The following TOX2 variants were observed in gnomAD, a reference collection of about 807,000 sequenced individuals.
TOX2 encodes the protein TOX high mobility group box family member 2.
Under a neutral mutation model 47.4 loss-of-function variants are expected in TOX2, and 15 were observed. The ratio of observed to expected loss-of-function variants is 0.32; its 90% CI spans 0.21 to 0.49. The LOEUF is 0.49. Among genes scored for constraint, TOX2 ranks in the 20% least tolerant of loss-of-function variants. The pLI is 0.99. For missense variants in TOX2, 622 were observed against 673.1 expected (o/e 0.92, Z 0.84); for synonymous variants, 290 against 296.6 (o/e 0.98, Z 0.23).
chr20:43,957,551 A>G (rs2069688270), intron 1 of TOX2, among the ~76,000 whole-genome samples: 1 of 151,094 alleles, frequency 6.6e-6, no homozygotes, highest in Non-Finnish European at 1.5e-5. Context: ...GTTACCTGGC[A>G]TAAAGTAAAT....
At chr20:44,022,057 C>T (rs1479663708) in intron 3 of TOX2, among the ~76,000 whole-genome samples, 1 of 152,190 alleles carries the variant, frequency 6.6e-6, no homozygotes, top group African/African-American at 2.4e-5. Flanking sequence ...AGGCCCGTCA[C>T]CCACACATGC....
At chr20:44,062,219 A>G (rs2071729679) in intron 5 of TOX2, among the ~76,000 whole-genome samples, 2 of 152,074 alleles carry the variant, frequency 1.3e-5, no homozygotes, top group Admixed American at 1.3e-4. Flanking sequence ...AAAACCCTAA[A>G]GACTCATCCA....
At chr20:44,003,427 G>A (rs990036080) in intron 2 of TOX2, among the ~76,000 whole-genome samples, 16 of 152,012 alleles carry the variant, frequency 1.1e-4, no homozygotes, top group Non-Finnish European at 1.6e-4. Flanking sequence ...GGGCTCAAGC[G>A]ATCCTCCCGT....
chr20:43,925,695 C>T (rs1429539101), intron 1 of TOX2, among the ~76,000 whole-genome samples: 4 of 152,180 alleles, frequency 2.6e-5, no homozygotes, highest in African/African-American at 4.8e-5. Flanking sequence ...TCACAGGCTT[C>T]GCTGTCAGTC....
intron 3 of TOX2, among the ~76,000 whole-genome samples, chr20:44,008,022 A>G (rs2070716959): frequency 6.6e-6 from 1 of 152,164 alleles, no homozygotes; most frequent in South Asian, 2.1e-4. Context: ...TTCATGGGAT[A>G]GGTAAAAATG....
At chr20:43,952,781 G>T (rs1192699358) in intron 1 of TOX2, among the ~76,000 whole-genome samples, 2 of 152,222 alleles carry the variant, frequency 1.3e-5, no homozygotes, top group Non-Finnish European at 2.9e-5. Flanking sequence ...CATATAGGCA[G>T]ACTGAGACAC....
At chr20:44,053,439 T>TATACACACACACAC (rs373458500) in intron 4 of TOX2, among the ~76,000 whole-genome samples, 7 of 143,108 alleles carry the variant, frequency 4.9e-5, no homozygotes, top group Non-Finnish European at 7.6e-5. Context: ...GGCAGATATA[T>TATACACACACACAC]ACACACACAC....
chr20:44,001,781 CG>C (rs1569082821), intron 2 of TOX2, among the ~76,000 whole-genome samples: 1 of 152,028 alleles, frequency 6.6e-6, no homozygotes, highest in Non-Finnish European at 1.5e-5. Context: ...GGCTGAGGGG[CG>C]TGTAGTATGC....
Position 43,969,487 on chromosome 20 carries a change from G to T in TOX2, c.100-3880G>T, listed in dbSNP as rs144148374. 4.0e-4 allele frequency among the ~76,000 whole-genome samples: 61 copies of T among 152,280 alleles called. No individual in the cohort carries two copies. The East Asian group carries it at 0.012, about 29-fold the overall frequency. On this transcript the variant is annotated intron_variant, in intron 1 of 8. Transcript: ENST00000341197. ...TTCCAAGTTCATTTAGCCAGAAAAG[G>T]TCCCAAATGAGGAGGGGGCTGCAGG... is the stretch of plus-strand genomic sequence containing the variant.
intron 3 of TOX2, among the ~76,000 whole-genome samples, chr20:44,047,852 TA>T (rs1198225728): frequency 3.5e-5 from 5 of 141,994 alleles, no homozygotes; most frequent in Non-Finnish European, 7.8e-5. Flanking sequence ...AAAAAAAAAT[TA>T]AAAAAAAAAA....
chr20:44,065,868 C>A lies in TOX2; in HGVS notation c.1117C>A (p.Leu373Ile), dbSNP rs867920288. The change falls in exon 7 of 9, where the codon CTC (leucine) becomes ATC (isoleucine). Residue 373 changes from leucine to isoleucine, a missense_variant. Around this residue, in one of 3 missense-constraint regions of TOX2, gnomAD observed 294 missense variants for 300.0 expected, o/e 0.98. Coordinates refer to ENST00000341197, the MANE Select transcript of TOX2 (RefSeq NM_001098797.2). ...AFRSGASPAS[L>I]ARTLGSKSLL... ...CCGCAGTGGGGCCTCCCCTGCCAGC[C>A]TCGCCCGGACGCTGGGCTCCAAGTC... 6.2e-7 allele frequency: 1 copy of A among 1,613,408 alleles called. No homozygotes were observed. Among genetic ancestry groups the A allele is most frequent in the Non-Finnish European group, 8.5e-7 (1 of 1,179,534 alleles).
chr20:43,930,980 T>C (rs1236743416), intron 1 of TOX2, among the ~76,000 whole-genome samples: 1 of 152,128 alleles, frequency 6.6e-6, no homozygotes, highest in East Asian at 1.9e-4. Flanking sequence ...TGTCCTTCTC[T>C]CCTCCCTCCT....
At chr20:44,058,032 A>G (rs533700613) in intron 5 of TOX2, among the ~76,000 whole-genome samples, 1 of 147,060 alleles carries the variant, frequency 6.8e-6, no homozygotes, top group South Asian at 2.1e-4. Flanking sequence ...TCCCACTCGG[A>G]CAGACAGAGC....
At chr20:43,948,248 G>A (rs1469165779) in intron 1 of TOX2, among the ~76,000 whole-genome samples, 1 of 152,178 alleles carries the variant, frequency 6.6e-6, no homozygotes. Flanking sequence ...ATGAAGGTGT[G>A]CAGAAGTGGG....
Position 43,973,361 on chromosome 20 carries a change from T to G in TOX2, c.100-6T>G. 6.2e-7 allele frequency: 1 copy of G among 1,614,058 alleles called. No homozygotes were observed. Among genetic ancestry groups the G allele is most frequent in the Non-Finnish European group, 8.5e-7 (1 of 1,179,950 alleles). ...AGAGCTGCTTCTCCCTCTCTCTCTA[T>G]TCTAGTTTGATGGTGACAGTGCCTA... On this transcript the variant is annotated splice_polypyrimidine_tract_variant and splice_region_variant and intron_variant, in intron 1 of 8. Coordinates refer to ENST00000341197, the MANE Select transcript of TOX2 (RefSeq NM_001098797.2).
At chr20:43,956,813 A>G (rs1600681429) in intron 1 of TOX2, among the ~76,000 whole-genome samples, 1 of 151,976 alleles carries the variant, frequency 6.6e-6, no homozygotes, top group Non-Finnish European at 1.5e-5. Flanking sequence ...GCATTTCCCC[A>G]CTTGCCATTG....
At position 43,916,200 on chromosome 20, in the gene TOX2, C is replaced by A; in HGVS notation, c.99+1210C>A. 2.0e-6 allele frequency: 2 copies of A among 985,524 alleles called. No homozygotes were observed. The highest frequency in any genetic ancestry group is 2.4e-6 in the Non-Finnish European group (2 of 830,000). The allele number at this position is 985,524 out of a possible 1,614,324, so 61.0% of individuals were successfully genotyped here. ...TGGCGCAGACGCGTGGGCTCCGTGG[C>A]GATGCGGGGTGAGTGCGCGTCCAGT... On this transcript the variant is annotated intron_variant, in intron 1 of 8. Transcript: ENST00000341197. This position sits in a 1 kb window ranked among gnomAD's most constrained non-coding sequence, Gnocchi z 5.0.
intron 2 of TOX2, among the ~76,000 whole-genome samples, chr20:43,977,721 C>T (rs1338972088): frequency 2.0e-5 from 3 of 152,110 alleles, no homozygotes; most frequent in African/African-American, 4.8e-5. Context: ...CCAGACTTGC[C>T]GGGGTGGCCT....
chr20:44,025,716 G>T, intron 3 of TOX2, among the ~76,000 whole-genome samples: 1 of 151,602 alleles, frequency 6.6e-6, no homozygotes, highest in East Asian at 2.0e-4. Context: ...CTCTCAGAAA[G>T]AACCCAGATC....
Sources: gnomAD v4.1 joint callset for allele counts (sites outside exome capture counted in the v4.1 genomes callset) on GRCh38, gnomAD v4.1.1 for gene constraint, gnomAD v4.1.1 regional missense constraint, Gnocchi (gnomAD v3.1) non-coding constraint, MANE v1.5 for transcripts, NCBI Gene and HGNC (gene_info 2026-07-23, HGNC 2026-07-21) for gene names.